The following TBC1D14 variants were observed in gnomAD, a reference collection of about 807,000 sequenced individuals.
TBC1D14 encodes TBC1 domain family member 14, also known as TBC1 domain family, member 14.
Under a neutral mutation model 79.0 loss-of-function variants are expected in TBC1D14, and 26 were observed. The observed-to-expected ratio is 0.33, with a 90% CI of 0.24 to 0.46. The LOEUF (loss-of-function observed/expected upper bound fraction) is 0.46, where lower values mean the gene tolerates loss of function less well. Among genes scored for constraint, TBC1D14 ranks in the 20% least tolerant of loss-of-function variants. The pLI is 1.00. For missense variants in TBC1D14, 769 were observed against 887.6 expected (o/e 0.87, Z 1.70); for synonymous variants, 394 against 349.9 (o/e 1.13, Z -1.40).
chr4:6,943,845 A>C (rs1713157455), intron 2 of TBC1D14, among the ~76,000 whole-genome samples: 1 of 152,140 alleles, frequency 6.6e-6, no homozygotes, highest in Admixed American at 6.6e-5. Context: ...AAAAGTAATA[A>C]AGGGATCTGG....
intron 3 of TBC1D14, among the ~76,000 whole-genome samples, chr4:6,978,584 C>T (rs1717048295): frequency 6.7e-6 from 1 of 148,802 alleles, no homozygotes; most frequent in African/African-American, 2.5e-5. Flanking sequence ...ATCTCAAGTA[C>T]CCAGGGACAC....
At chr4:6,982,066 G>T (rs570901166) in intron 3 of TBC1D14, among the ~76,000 whole-genome samples, 4 of 152,350 alleles carry the variant, frequency 2.6e-5, no homozygotes, top group Admixed American at 6.5e-5. Flanking sequence ...TGGAAAACCA[G>T]TTGGGAGGTT....
At position 6,983,464 on chromosome 4, in the gene TBC1D14, A is replaced by G. The variant is rs73799047; in HGVS notation, c.844-10720A>G. Among the ~76,000 whole-genome samples the G allele has an allele frequency of 1.3e-3, 199 of 152,268 alleles. 1 individual carries two copies. The highest frequency in any genetic ancestry group is 4.2e-3 in the African/African-American group (173 of 41,548). ...TTTCTAGTGGCCAGAGCAGAGGGAA[A>G]CATTATACAGCTGGTGACCGAGTTG... On this transcript the variant is annotated intron_variant, in intron 3 of 13. Coordinates refer to ENST00000409757, the MANE Select transcript of TBC1D14 (RefSeq NM_020773.3).
intron 2 of TBC1D14, among the ~76,000 whole-genome samples, chr4:6,926,353 A>G (rs538954264): frequency 2.1e-4 from 32 of 152,270 alleles, no homozygotes; most frequent in African/African-American, 7.2e-4. Flanking sequence ...GATTCAGCTG[A>G]CTGAGCTGTG....
intron 1 of TBC1D14, among the ~76,000 whole-genome samples, chr4:6,912,677 G>A (rs1438150921): frequency 6.6e-6 from 1 of 152,216 alleles, no homozygotes; most frequent in African/African-American, 2.4e-5. Flanking sequence ...GACTGAGTTG[G>A]CTGGCCCGAT....
chr4:6,953,726 A>G (rs1214280638), intron 2 of TBC1D14, among the ~76,000 whole-genome samples: 4 of 151,604 alleles, frequency 2.6e-5, no homozygotes. Flanking sequence ...ACAGCATTTG[A>G]AGTGAGTGAG....
At chr4:6,977,109 C>T (rs562635322) in intron 3 of TBC1D14, among the ~76,000 whole-genome samples, 8 of 47,452 alleles carry the variant, frequency 1.7e-4, no homozygotes, top group African/African-American at 4.2e-4. Context: ...CCTCTCCCCA[C>T]GGTCTCCCTC....
rs1238754487 is a variant in TBC1D14 at position 6,977,564 on chromosome 4, G to A, written c.843+10140G>A. ...CCACCCCGTCTGGGAAGTGAGGAGC[G>A]TCTCTGCCTGGCCGCCCATCGTCTG... is the stretch of plus-strand genomic sequence containing the variant. On this transcript the variant is annotated intron_variant, in intron 3 of 13. Coordinates refer to ENST00000409757, the MANE Select transcript of TBC1D14 (RefSeq NM_020773.3). 3.3e-5 allele frequency among the ~76,000 whole-genome samples: 5 copies of A among 149,852 alleles called. No homozygotes were observed. The South Asian group carries it at 1.1e-3, about 32-fold the overall frequency.
chr4:6,925,281 A>T (rs1724202325), intron 2 of TBC1D14, among the ~76,000 whole-genome samples: 1 of 152,096 alleles, frequency 6.6e-6, no homozygotes, highest in Admixed American at 6.5e-5. Flanking sequence ...AAACAAACAA[A>T]CAAAAAAAGA....
intron 8 of TBC1D14, among the ~76,000 whole-genome samples, chr4:7,006,262 C>T (rs1227245846): frequency 3.3e-5 from 5 of 149,450 alleles, no homozygotes; most frequent in African/African-American, 5.1e-5. Context: ...TGTTTGAGAT[C>T]GAGCAGTGAT....
chr4:6,936,275 T>G (rs1712319295), intron 2 of TBC1D14, among the ~76,000 whole-genome samples: 1 of 152,226 alleles, frequency 6.6e-6, no homozygotes, highest in African/African-American at 2.4e-5. Flanking sequence ...ACTGAGGAGT[T>G]TCACTGCCCC....
intron 2 of TBC1D14, among the ~76,000 whole-genome samples, chr4:6,931,277 G>C (rs1034296638): frequency 2.0e-5 from 3 of 152,212 alleles, no homozygotes; most frequent in African/African-American, 7.2e-5. Flanking sequence ...TTTTGTACCA[G>C]GTGGATTTTC....
intron 11 of TBC1D14, among the ~76,000 whole-genome samples, chr4:7,011,020 T>C (rs548670130): frequency 1.3e-5 from 2 of 152,292 alleles, no homozygotes; most frequent in Admixed American, 1.3e-4. Context: ...AGAAAAACAT[T>C]ACCTGTATTT....
intron 1 of TBC1D14, chr4:6,910,596 TGAG>T (rs1722901681): frequency 6.6e-6 from 1 of 152,232 alleles, no homozygotes; most frequent in African/African-American, 2.4e-5. Flanking sequence ...GTAGCTGCCT[TGAG>T]GAGTAAGTCC....
At position 6,955,538 on chromosome 4, in the gene TBC1D14, C is replaced by T. The variant is rs572113504; in HGVS notation, c.723-11766C>T. Among the ~76,000 whole-genome samples, 473 of 152,288 alleles carry T rather than the reference C, an allele frequency of 3.1e-3. 2 individuals carry two copies. Among genetic ancestry groups the T allele is most frequent in the African/African-American group, 0.01 (426 of 41,556 alleles). Reference sequence around the variant, plus strand: ...TGGTGGCAAAGATTCCCTCCTGGGCCTGGCACTCTCCATGGGAGCCGAGTG... The same window carrying T: ...TGGTGGCAAAGATTCCCTCCTGGGCTTGGCACTCTCCATGGGAGCCGAGTG... On this transcript the variant is annotated intron_variant, in intron 2 of 13. Transcript: ENST00000409757.
At chr4:7,023,813 C>A (rs562164726) in intron 12 of TBC1D14, among the ~76,000 whole-genome samples, 1 of 152,214 alleles carries the variant, frequency 6.6e-6, no homozygotes, top group Non-Finnish European at 1.5e-5. Context: ...GGTGTCCTTC[C>A]GGAGGGGCTC....
intron 3 of TBC1D14, among the ~76,000 whole-genome samples, chr4:6,986,619 T>C (rs1717854544): frequency 6.6e-6 from 1 of 152,332 alleles, no homozygotes; most frequent in Middle Eastern, 3.4e-3. Context: ...CCGGACTTGC[T>C]CAGCCCTGGG....
chr4:6,962,114 C>T (rs1715266066), intron 2 of TBC1D14, among the ~76,000 whole-genome samples: 1 of 152,128 alleles, frequency 6.6e-6, no homozygotes, highest in African/African-American at 2.4e-5. Flanking sequence ...GTCTCCTCTC[C>T]CACCTGCTGC....
At chr4:7,020,501 G>A (rs1257889803) in intron 12 of TBC1D14, among the ~76,000 whole-genome samples, 4 of 152,212 alleles carry the variant, frequency 2.6e-5, no homozygotes, top group Non-Finnish European at 5.9e-5. Flanking sequence ...CAGCCTGGGA[G>A]TGAGGGCGCC....
Sources: allele counts gnomAD v4.1 joint callset (sites outside exome capture counted in the v4.1 genomes callset), GRCh38; gene constraint gnomAD v4.1.1; transcripts MANE v1.5; gene names NCBI Gene and HGNC (gene_info 2026-07-23, HGNC 2026-07-21).